Variants in ZNF143 observed in about 807,000 individuals in gnomAD.
ZNF143 encodes the protein zinc finger protein 143.
Under a neutral mutation model 74.1 loss-of-function variants are expected in ZNF143, and 49 were observed. That is an observed-to-expected ratio of 0.66 (90% confidence interval 0.53 to 0.84). The LOEUF (loss-of-function observed/expected upper bound fraction) is 0.84. ZNF143 is among the 40% of genes least tolerant of loss of function. ZNF143 has a pLI of 0.00. For missense variants in ZNF143, 637 were observed against 793.4 expected (o/e 0.80, Z 2.37); for synonymous variants, 304 against 282.8 (o/e 1.07, Z -0.75).
Position 9,485,838 on chromosome 11 carries a change from A to G in ZNF143, c.645+6292A>G, listed in dbSNP as rs575799629. 9.2e-5 allele frequency among the ~76,000 whole-genome samples: 14 copies of G among 151,656 alleles called. 1 individual carries two copies. Among genetic ancestry groups the G allele is most frequent in the African/African-American group, 3.4e-4 (14 of 40,960 alleles). Reference sequence around the variant, plus strand: ...ACAAGTTAACAAACACCAGATTGTAAGTTATAGCTGCCATGTGCATTAGGC... The same window carrying G: ...ACAAGTTAACAAACACCAGATTGTAGGTTATAGCTGCCATGTGCATTAGGC... On this transcript the variant is annotated intron_variant, in intron 7 of 15. Transcript: ENST00000396602.
rs769271297 is a variant in ZNF143 at position 9,521,570 on chromosome 11, T to TG, written c.1687-3669dup. Among the ~76,000 whole-genome samples, 236 of 151,082 alleles carry TG rather than the reference T, an allele frequency of 1.6e-3. 1 individual carries two copies. Among genetic ancestry groups the TG allele is most frequent in the Non-Finnish European group, 2.6e-3 (178 of 67,852 alleles). ...TTTTCTTTTTGCGGAGGTTTTTTTT[T>TG]GTTTTTTTTTTGTTGTTGTTGTTGT... On this transcript the variant is annotated intron_variant, in intron 14 of 15. Transcript: ENST00000396602.
rs753947705 is a variant in ZNF143 at position 9,478,369 on chromosome 11, C to T, written c.374-21C>T. On this transcript the variant is annotated intron_variant, in intron 5 of 15. Coordinates refer to ENST00000396602, the MANE Select transcript of ZNF143 (RefSeq NM_003442.6). ...TCAGATTTTACCTTTAATTTAATGG[C>T]ATTCTCTTCCACTCTCTCAGATAGT... The T allele has an allele frequency of 2.5e-6, 4 of 1,591,920 alleles. No homozygotes were observed. The South Asian group carries it at 4.4e-5, about 18-fold the overall frequency.
chr11:9,507,118 T>C (rs920346555), intron 11 of ZNF143, among the ~76,000 whole-genome samples: 1 of 152,238 alleles, frequency 6.6e-6, no homozygotes, highest in Non-Finnish European at 1.5e-5. Flanking sequence ...AATTACTTTA[T>C]GTGTAAGACT....
At chr11:9,517,941 C>T (rs978399652) in intron 14 of ZNF143, among the ~76,000 whole-genome samples, 1 of 152,140 alleles carries the variant, frequency 6.6e-6, no homozygotes, top group African/African-American at 2.4e-5. Flanking sequence ...AAAGATCAGA[C>T]AACCCCCAGA....
chr11:9,519,457 A>G (rs1244319384), intron 14 of ZNF143, among the ~76,000 whole-genome samples: 1 of 152,112 alleles, frequency 6.6e-6, no homozygotes, highest in Non-Finnish European at 1.5e-5. Context: ...GGTTTTGCCT[A>G]TTCTTGAACA....
At chr11:9,467,584 G>T (rs1044421154) in intron 1 of ZNF143, among the ~76,000 whole-genome samples, 2 of 151,798 alleles carry the variant, frequency 1.3e-5, no homozygotes, top group Non-Finnish European at 2.9e-5. Context: ...GCAATGGCTC[G>T]TGCCTTTAAT....
In ZNF143 at chr11:9,473,941, A is replaced by T; in HGVS notation, c.206A>T (p.Asp69Val). 1 of 1,614,122 alleles carries T rather than the reference A, an allele frequency of 6.2e-7. No homozygotes were observed. Among genetic ancestry groups the T allele is most frequent in the Non-Finnish European group, 8.5e-7 (1 of 1,179,982 alleles). Residue 69 changes from aspartate to valine, a missense_variant and splice_region_variant, in exon 4 of 16, where the codon GAT (aspartate) becomes GTT (valine). This residue lies in a region of ZNF143 where 293 missense variants were observed against 307.8 expected (regional missense o/e 0.95). Coordinates refer to ENST00000396602, the MANE Select transcript of ZNF143 (RefSeq NM_003442.6). ...TATTGTCTTGAATCTTTTGTTATAG[A>T]TGCAAAACTCATAGATGGCCAGGTC... ...STAYIQHNSK[D>V]AKLIDGQVIQ... is the part of the protein sequence containing the mutation.
At chr11:9,522,860 G>C (rs939009050) in intron 14 of ZNF143, among the ~76,000 whole-genome samples, 10 of 149,468 alleles carry the variant, frequency 6.7e-5, no homozygotes, top group African/African-American at 2.5e-4. Context: ...ATTTGTCTTT[G>C]ACCTGGTTCT....
chr11:9,463,424 A>G (rs1245501784), intron 1 of ZNF143, among the ~76,000 whole-genome samples: 6 of 152,180 alleles, frequency 3.9e-5, no homozygotes, highest in Admixed American at 2.0e-4. Flanking sequence ...CAGTTTCTCC[A>G]TATCCTTACC....
intron 15 of ZNF143, among the ~76,000 whole-genome samples, chr11:9,526,122 G>A (rs1315965289): frequency 6.6e-6 from 1 of 151,996 alleles, no homozygotes; most frequent in Admixed American, 6.6e-5. Context: ...TCCCGCCTGG[G>A]TAACAAATGA....
intron 1 of ZNF143, among the ~76,000 whole-genome samples, chr11:9,461,284 G>A (rs1051409164): frequency 6.6e-6 from 1 of 152,154 alleles, no homozygotes; most frequent in African/African-American, 2.4e-5. Flanking sequence ...CGCCACTCTA[G>A]GCGGCGGAGC....
At position 9,508,842 on chromosome 11, in the gene ZNF143, C is replaced by G; in HGVS notation, c.1371C>G (p.Pro457=). 1 of 1,576,318 alleles carries G rather than the reference C, an allele frequency of 6.3e-7. No homozygotes were observed. The highest frequency in any genetic ancestry group is 8.6e-7 in the Non-Finnish European group (1 of 1,160,046). The change falls in exon 12 of 16, where the codon CCC becomes CCG. Residue 457 remains proline, a synonymous_variant. Coordinates refer to ENST00000396602, the MANE Select transcript of ZNF143 (RefSeq NM_003442.6). The part of the protein sequence containing the change: ...EEEQEAFFEP[P]PGQGEDVLKG... ...AGCAGGAAGCCTTCTTTGAGCCGCC[C>G]CCAGGTGAGAGTTTTGTCTACTATA...
intron 8 of ZNF143, 48 bp downstream of exon 8, chr11:9,494,813 A>T: frequency 6.5e-7 from 1 of 1,538,052 alleles, no homozygotes; most frequent in East Asian, 2.3e-5. Context: ...TACCTAGGAT[A>T]TTAAATACTA....
At chr11:9,501,631 G>A (rs1848162070) in intron 11 of ZNF143, among the ~76,000 whole-genome samples, 1 of 152,132 alleles carries the variant, frequency 6.6e-6, no homozygotes, top group African/African-American at 2.4e-5. Flanking sequence ...AAGCATTTTG[G>A]GAGGGGTTTC....
At chr11:9,526,425 A>AT (rs1383859857) in intron 15 of ZNF143, among the ~76,000 whole-genome samples, 3 of 151,706 alleles carry the variant, frequency 2.0e-5, no homozygotes, top group African/African-American at 2.4e-5. Context: ...CCTTAGGGAG[A>AT]TTTTTTTTCC....
At chr11:9,509,263 G>A (rs970914852) in intron 12 of ZNF143, among the ~76,000 whole-genome samples, 1 of 152,210 alleles carries the variant, frequency 6.6e-6, no homozygotes, top group Non-Finnish European at 1.5e-5. Flanking sequence ...TGCCTGGGAA[G>A]GTGATATGAA....
At chr11:9,481,873 G>A (rs1486226993) in intron 7 of ZNF143, among the ~76,000 whole-genome samples, 2 of 127,120 alleles carry the variant, frequency 1.6e-5, no homozygotes, top group East Asian at 2.2e-4. Context: ...GGGCAACAGA[G>A]TGAGACTGTC....
Position 9,516,227 on chromosome 11 carries a change from G to T in ZNF143, c.1551G>T (p.Gln517His). The T allele has an allele frequency of 5.0e-6, 8 of 1,613,980 alleles. No homozygotes were observed. Among genetic ancestry groups the T allele is most frequent in the Non-Finnish European group, 6.8e-6 (8 of 1,179,928 alleles). ...QHVNISQADMQAIGNTITMVT... is the reference protein window; with the variant it reads ...QHVNISQADMHAIGNTITMVT... Reference sequence around the variant, plus strand: ...TCAACATATCTCAAGCTGACATGCAGGCCATTGGCAACACCATCACAATGG... The same window carrying T: ...TCAACATATCTCAAGCTGACATGCATGCCATTGGCAACACCATCACAATGG... Residue 517 changes from glutamine (Q) to histidine (H), a missense_variant, in exon 14 of 16, where the codon CAG (glutamine) becomes CAT (histidine). By Grantham distance (24) the Gln-to-His change is conservative (BLOSUM62 0). Coordinates refer to ENST00000396602, the MANE Select transcript of ZNF143 (RefSeq NM_003442.6).
intron 10 of ZNF143, 78 bp downstream of exon 10, chr11:9,497,878 T>G (rs942120341): frequency 9.4e-7 from 1 of 1,067,376 alleles, no homozygotes. Flanking sequence ...TCGCCTAGGC[T>G]GGAGTGCAGT....
Sources: gnomAD v4.1 joint callset for allele counts (sites outside exome capture counted in the v4.1 genomes callset) on GRCh38, gnomAD v4.1.1 for gene constraint, gnomAD v4.1.1 regional missense constraint, MANE v1.5 for transcripts, NCBI Gene and HGNC (gene_info 2026-07-23, HGNC 2026-07-21) for gene names.